The following GIPC2 variants were observed in gnomAD, a reference collection of about 807,000 sequenced individuals.
GIPC2 encodes PDZ domain-containing protein GIPC2.
Under a neutral mutation model 30.6 loss-of-function variants are expected in GIPC2, and 30 were observed. The ratio of observed to expected loss-of-function variants is 0.98; its 90% CI spans 0.73 to 1.33. GIPC2 has a LOEUF of 1.33. Ranked by LOEUF, GIPC2 falls within the 40% of genes most tolerant of loss-of-function variation. The pLI is 0.00. For synonymous variants in GIPC2, 167 were observed against 150.0 expected (o/e 1.11, Z -0.83); for missense variants, 414 against 390.3 (o/e 1.06, Z -0.51).
At chr1:78,088,011 C>T (rs1406336489) in intron 2 of GIPC2, among the ~76,000 whole-genome samples, 1 of 152,154 alleles carries the variant, frequency 6.6e-6, no homozygotes, top group Non-Finnish European at 1.5e-5. Flanking sequence ...AGCTGAACCT[C>T]ACTGATCATT....
At chr1:78,133,694 ACTG>A (rs1327649613) in intron 5 of GIPC2, among the ~76,000 whole-genome samples, 1 of 151,826 alleles carries the variant, frequency 6.6e-6, no homozygotes, top group Non-Finnish European at 1.5e-5. Flanking sequence ...TGTAGATTAG[ACTG>A]CCACTAGGGT....
chr1:78,132,326 T>C (rs1265248819), intron 5 of GIPC2, among the ~76,000 whole-genome samples: 1 of 152,120 alleles, frequency 6.6e-6, no homozygotes, highest in Non-Finnish European at 1.5e-5. Context: ...GCAGTGGTAA[T>C]AGAGGGAGAA....
intron 3 of GIPC2, among the ~76,000 whole-genome samples, chr1:78,108,603 T>C (rs1282829765): frequency 1.3e-5 from 2 of 152,150 alleles, no homozygotes; most frequent in Admixed American, 1.3e-4. Flanking sequence ...CTACTAATTG[T>C]ATTTTTTTAA....
intron 1 of GIPC2, among the ~76,000 whole-genome samples, chr1:78,073,040 A>T (rs1172861948): frequency 6.7e-6 from 1 of 149,958 alleles, no homozygotes; most frequent in Non-Finnish European, 1.5e-5. Context: ...CGATCTCCTG[A>T]CCTTGTGATC....
chr1:78,100,871 A>C (rs1225894676), intron 3 of GIPC2, among the ~76,000 whole-genome samples: 1 of 149,078 alleles, frequency 6.7e-6, no homozygotes, highest in Non-Finnish European at 1.5e-5. Flanking sequence ...TGGGGGTTGC[A>C]GTGAGCTGAG....
chr1:78,045,832 T>C, upstream of GIPC2: 3 of 1,256,342 alleles, frequency 2.4e-6, no homozygotes, highest in Non-Finnish European at 3.0e-6. Flanking sequence ...TTACAAGGAG[T>C]AGGGATAAAC....
At chr1:78,072,971 AT>A (rs34010622) in intron 1 of GIPC2, among the ~76,000 whole-genome samples, 115,989 of 149,056 alleles carry the variant, frequency 0.78, 46,009 homozygotes, top group East Asian at 0.91. Context: ...CGCCCAGCTA[AT>A]TTTTTTTTTT....
intron 1 of GIPC2, among the ~76,000 whole-genome samples, chr1:78,047,042 C>T (rs17387740): frequency 6.6e-6 from 1 of 152,120 alleles, no homozygotes; most frequent in Non-Finnish European, 1.5e-5. Flanking sequence ...AAGATCAGCT[C>T]TTTTACATCG....
intron 5 of GIPC2, among the ~76,000 whole-genome samples, chr1:78,129,202 A>G (rs1662843614): frequency 6.6e-6 from 1 of 152,226 alleles, no homozygotes; most frequent in African/African-American, 2.4e-5. Flanking sequence ...ATGATTAGCA[A>G]TGTAATCAGT....
intron 1 of GIPC2, among the ~76,000 whole-genome samples, chr1:78,062,075 C>G (rs557614276): frequency 9.8e-5 from 15 of 152,308 alleles, no homozygotes; most frequent in African/African-American, 3.1e-4. Flanking sequence ...AATCCAGGCT[C>G]TACATCTCAG....
intron 4 of GIPC2, among the ~76,000 whole-genome samples, chr1:78,121,363 T>C (rs1031863206): frequency 2.6e-5 from 4 of 152,192 alleles, no homozygotes; most frequent in Middle Eastern, 3.4e-3. Flanking sequence ...GGTCTCTCTG[T>C]ATGTGAATGC....
intron 1 of GIPC2, among the ~76,000 whole-genome samples, chr1:78,047,500 A>G (rs1661117099): frequency 6.6e-6 from 1 of 152,204 alleles, no homozygotes; most frequent in South Asian, 2.1e-4. Flanking sequence ...TAGGATACTA[A>G]TAATACTTCA....
chr1:78,065,575 G>T (rs959367880), intron 1 of GIPC2, among the ~76,000 whole-genome samples: 1 of 151,300 alleles, frequency 6.6e-6, no homozygotes, highest in East Asian at 1.9e-4. Flanking sequence ...AAAGACAAAA[G>T]AGCCTGAATA....
Position 78,119,395 on chromosome 1 carries a change from A to G in GIPC2, c.610A>G (p.Ile204Val), listed in dbSNP as rs373924776. The G allele has an allele frequency of 2.8e-5, 44 of 1,575,138 alleles. No homozygotes were observed. The highest frequency in any genetic ancestry group is 3.6e-5 in the Non-Finnish European group (41 of 1,145,088). The stretch of plus-strand genomic sequence containing the variant: ...TTTCCCTGTTCATTGTATTGTAGAA[A>G]TAGAGCTGAGGTCAAAGGCTGGAAA... Reference protein sequence around the residue: ...KLIEPKKAFEIELRSKAGKSS... With the variant: ...KLIEPKKAFEVELRSKAGKSS... The change falls in exon 4 of 6, where the codon ATA becomes GTA. Residue 204 changes from isoleucine to valine, a missense_variant and splice_region_variant. Ile to Val is a conservative substitution (Grantham distance 29, BLOSUM62 3). Transcript: ENST00000370759.
At position 78,135,621 on chromosome 1, in the gene GIPC2, A is replaced by G. The variant is rs533204906; in HGVS notation, c.826A>G (p.Lys276Glu). Residue 276 changes from lysine to glutamate, a missense_variant, in exon 6 of 6, where the codon AAA becomes GAA. Physicochemically the swap from Lys to Glu is moderately conservative, Grantham distance 56 (BLOSUM62 1). Coordinates refer to ENST00000370759, the MANE Select transcript of GIPC2 (RefSeq NM_017655.6). The stretch of plus-strand genomic sequence containing the variant: ...CACAATGTTTGAAGCTGGAAAGGAC[A>G]AAGTAAATCCAGATGAATTTGCTGT... ...ATTMFEAGKD[K>E]VNPDEFAVAL... 2.1e-5 allele frequency: 33 copies of G among 1,599,568 alleles called. 1 individual carries two copies. In the South Asian group the frequency reaches 3.0e-4, roughly 15 times the overall value.
At chr1:78,095,467 A>G (rs1662121215) in intron 3 of GIPC2, among the ~76,000 whole-genome samples, 1 of 152,180 alleles carries the variant, frequency 6.6e-6, no homozygotes, top group South Asian at 2.1e-4. Flanking sequence ...AAGATTTTTG[A>G]CTGAGCTTTT....
At chr1:78,123,324 A>C (rs1444917820) in intron 4 of GIPC2, among the ~76,000 whole-genome samples, 1 of 151,434 alleles carries the variant, frequency 6.6e-6, no homozygotes, top group Non-Finnish European at 1.5e-5. Flanking sequence ...GAGTGAGTTC[A>C]AAATGGGGAA....
In GIPC2 at chr1:78,135,685, A is replaced by G. The variant is rs1662987866; in HGVS notation, c.890A>G (p.Asp297Gly). 6.2e-6 allele frequency: 10 copies of G among 1,613,690 alleles called. No individual in the cohort carries two copies. The highest frequency in any genetic ancestry group is 8.5e-6 in the Non-Finnish European group (10 of 1,179,746). ...DETLGDFAFPDEFVFDVWGVI... is the reference protein window; with the variant it reads ...DETLGDFAFPGEFVFDVWGVI... The stretch of plus-strand genomic sequence containing the variant: ...ACTCTTGGAGACTTTGCGTTCCCAG[A>G]CGAATTTGTCTTTGATGTTTGGGGA... The change falls in exon 6 of 6, where the codon GAC becomes GGC. Residue 297 changes from aspartate to glycine, a missense_variant. Coordinates refer to ENST00000370759, the MANE Select transcript of GIPC2 (RefSeq NM_017655.6).
intron 1 of GIPC2, among the ~76,000 whole-genome samples, chr1:78,071,383 T>C (rs1293260438): frequency 6.6e-6 from 1 of 152,076 alleles, no homozygotes; most frequent in Non-Finnish European, 1.5e-5. Context: ...GCAAACTGTC[T>C]TACTCCTTTT....
Sources: gnomAD v4.1 joint callset for allele counts (sites outside exome capture counted in the v4.1 genomes callset) on GRCh38, gnomAD v4.1.1 for gene constraint, MANE v1.5 for transcripts, NCBI Gene and HGNC (gene_info 2026-07-23, HGNC 2026-07-21) for gene names.